PIBF1: variants seen among roughly 807,000 people sequenced by gnomAD.
PIBF1 encodes the protein progesterone immunomodulatory binding factor 1.
In PIBF1, 90 loss-of-function variants were observed where a neutral mutation model predicts 112.5. That is an observed-to-expected ratio of 0.80 (90% CI 0.67 to 0.95). PIBF1 has a LOEUF of 0.95. Among genes scored for constraint, PIBF1 ranks in the 40% least tolerant of loss-of-function variants. The pLI is 0.00. For synonymous variants in PIBF1, 301 were observed against 288.6 expected (o/e 1.04, Z -0.44); for missense variants, 915 against 852.3 (o/e 1.07, Z -0.92).
chr13:73,003,256 A>AT (rs770419239), intron 17 of PIBF1, among the ~76,000 whole-genome samples: 174 of 145,344 alleles, frequency 1.2e-3, no homozygotes, highest in South Asian at 2.8e-3. Flanking sequence ...AGAAAAAAAA[A>AT]TTTTTTTTTT....
chr13:72,858,097 T>C (rs1329542625), intron 10 of PIBF1, among the ~76,000 whole-genome samples: 1 of 151,686 alleles, frequency 6.6e-6, no homozygotes, highest in East Asian at 2.0e-4. Flanking sequence ...TGTTGCCCAG[T>C]CTGGAGTGCA....
At chr13:72,991,613 A>C (rs2043483655) in intron 16 of PIBF1, among the ~76,000 whole-genome samples, 1 of 151,770 alleles carries the variant, frequency 6.6e-6, no homozygotes, top group Non-Finnish European at 1.5e-5. Context: ...AGCTGGCCAG[A>C]TTTGGTGGCT....
chr13:72,785,915 T>C (rs752551683), intron 2 of PIBF1, among the ~76,000 whole-genome samples: 1 of 152,222 alleles, frequency 6.6e-6, no homozygotes, highest in Non-Finnish European at 1.5e-5. Flanking sequence ...GTAAGCTTTA[T>C]ATTATAGAAA....
At chr13:72,977,410 G>A (rs917292202) in intron 16 of PIBF1, among the ~76,000 whole-genome samples, 1 of 152,010 alleles carries the variant, frequency 6.6e-6, no homozygotes, top group Admixed American at 6.6e-5. Context: ...GTTTCACCAC[G>A]TTGGCTAGAC....
chr13:72,973,404 A>G (rs1220030140), intron 15 of PIBF1, among the ~76,000 whole-genome samples, 187 bp from the exon 16 acceptor site: 1 of 152,104 alleles, frequency 6.6e-6, no homozygotes, highest in African/African-American at 2.4e-5. Flanking sequence ...AAAGAAAAAG[A>G]TCTTCTGACA....
At chr13:72,823,164 T>C (rs1300211402) in intron 6 of PIBF1, among the ~76,000 whole-genome samples, 1 of 152,156 alleles carries the variant, frequency 6.6e-6, no homozygotes, top group Non-Finnish European at 1.5e-5. Flanking sequence ...AGTTGGTATT[T>C]TCATGTCCCC....
chr13:72,991,379 GTTAT>G (rs1182810521), intron 16 of PIBF1, among the ~76,000 whole-genome samples: 1 of 151,976 alleles, frequency 6.6e-6, no homozygotes, highest in Non-Finnish European at 1.5e-5. Flanking sequence ...CATAGTTTTT[GTTAT>G]TTAGTTTTTA....
chr13:72,964,208 A>G (rs1416375121), intron 14 of PIBF1, among the ~76,000 whole-genome samples: 1 of 152,232 alleles, frequency 6.6e-6, no homozygotes, highest in Non-Finnish European at 1.5e-5. Flanking sequence ...TGAAAACGTC[A>G]CACTAAGTGA....
intron 13 of PIBF1, among the ~76,000 whole-genome samples, 193 bp from the exon 14 acceptor site, chr13:72,930,972 T>G (rs2138764522): frequency 6.6e-6 from 1 of 152,346 alleles, no homozygotes; most frequent in East Asian, 1.9e-4. Context: ...GTTGTTACTC[T>G]CATAATTCTG....
chr13:72,858,442 T>C (rs994983392), intron 10 of PIBF1, among the ~76,000 whole-genome samples: 1 of 152,194 alleles, frequency 6.6e-6, no homozygotes, highest in South Asian at 2.1e-4. Context: ...TACCACCTTA[T>C]TTACTGTAGC....
At chr13:72,858,966 TA>T (rs1162854712) in intron 10 of PIBF1, among the ~76,000 whole-genome samples, 1 of 152,180 alleles carries the variant, frequency 6.6e-6, no homozygotes, top group Non-Finnish European at 1.5e-5. Context: ...TATACTCTAA[TA>T]ATTTGATGCA....
chr13:72,825,783 A>G (rs2036780039), intron 6 of PIBF1, among the ~76,000 whole-genome samples: 1 of 152,148 alleles, frequency 6.6e-6, no homozygotes, highest in African/African-American at 2.4e-5. Flanking sequence ...AAAAAGAACC[A>G]AGCTGGTTAC....
chr13:72,957,284 T>A (rs1283745389), intron 14 of PIBF1, among the ~76,000 whole-genome samples: 1 of 151,864 alleles, frequency 6.6e-6, no homozygotes, highest in Non-Finnish European at 1.5e-5. Context: ...AGTCAATGAG[T>A]GGATAAAGAA....
chr13:72,809,024 G>A (rs1412468266), intron 5 of PIBF1, among the ~76,000 whole-genome samples: 2 of 151,468 alleles, frequency 1.3e-5, no homozygotes, highest in Admixed American at 6.6e-5. Context: ...GAGAGTTCAT[G>A]AATCTGGAGA....
intron 17 of PIBF1, among the ~76,000 whole-genome samples, chr13:73,001,686 T>C (rs188773906): frequency 2.8e-5 from 4 of 145,440 alleles, no homozygotes; most frequent in Admixed American, 2.2e-4. Flanking sequence ...TGCAGTGGCG[T>C]GATCTCAGCT....
chr13:72,869,079 G>C (rs540394836), intron 10 of PIBF1, among the ~76,000 whole-genome samples: 11 of 152,072 alleles, frequency 7.2e-5, no homozygotes, highest in East Asian at 3.9e-4. Context: ...GGATCTAGAA[G>C]TAGAAATACC....
chr13:72,954,989 G>A (rs1032703859), intron 14 of PIBF1, among the ~76,000 whole-genome samples: 1 of 152,224 alleles, frequency 6.6e-6, no homozygotes, highest in Non-Finnish European at 1.5e-5. Flanking sequence ...GATCCTCTAG[G>A]ATTGGAGGAA....
chr13:72,877,050 TC>T (rs1258934704), intron 10 of PIBF1, among the ~76,000 whole-genome samples: 1 of 152,166 alleles, frequency 6.6e-6, no homozygotes, highest in Non-Finnish European at 1.5e-5. Context: ...TTGAGGAACT[TC>T]CCGCTATTCC....
At chr13:72,816,215 A>G (rs550480866) in intron 5 of PIBF1, among the ~76,000 whole-genome samples, 2 of 152,356 alleles carry the variant, frequency 1.3e-5, no homozygotes, top group Admixed American at 1.3e-4. Flanking sequence ...GTTAGTATAC[A>G]CACTCTGCAG....
Sources: allele counts gnomAD v4.1 joint callset (sites outside exome capture counted in the v4.1 genomes callset), GRCh38; gene constraint gnomAD v4.1.1; transcripts MANE v1.5; gene names NCBI Gene and HGNC (gene_info 2026-07-23, HGNC 2026-07-21).